ZNF638: variants seen among roughly 807,000 people sequenced by gnomAD.
ZNF638 encodes the protein CTCL tumor antigen se33-1.
In ZNF638, 46 loss-of-function variants were observed where a neutral mutation model predicts 195.6. The observed-to-expected ratio is 0.24, with a 90% CI of 0.19 to 0.30. ZNF638 has a LOEUF of 0.30. Among genes scored for constraint, ZNF638 ranks in the 10% least tolerant of loss-of-function variants. ZNF638 has a pLI of 1.00. For synonymous variants in ZNF638, 845 were observed against 772.0 expected, an observed-to-expected ratio of 1.09 and a Z score of -1.57; for missense variants, 2,440 against 2,325.3, an observed-to-expected ratio of 1.05 and a Z score of -1.01.
In ZNF638 at chr2:71,396,197, T is replaced by G. The variant is rs1235203334; in HGVS notation, c.2428+6T>G. The G allele has an allele frequency of 1.2e-6, 2 of 1,609,070 alleles. No individual in the cohort carries two copies. The highest frequency in any genetic ancestry group is 1.3e-5 in the African/African-American group (1 of 74,720). On this transcript the variant is annotated splice_donor_region_variant and intron_variant, in intron 11 of 27. Coordinates refer to ENST00000264447, the MANE Select transcript of ZNF638 (RefSeq NM_014497.5). The stretch of plus-strand genomic sequence containing the variant: ...CAAAGTAAACAAATCTACAGGTATG[T>G]TTTTTTAATTAGGATTCTAGACTAT...
chr2:71,335,743 T>C (rs1558823764), intron 1 of ZNF638, among the ~76,000 whole-genome samples: 1 of 152,200 alleles, frequency 6.6e-6, no homozygotes, highest in African/African-American at 2.4e-5. Context: ...CTAGAGTGTT[T>C]AGAAGAAAAC....
At position 71,434,893 on chromosome 2, in the gene ZNF638, C is replaced by T. The variant is rs2080735472; in HGVS notation, c.*86C>T. 3.2e-6 allele frequency: 4 copies of T among 1,237,076 alleles called. No individual in the cohort carries two copies. The highest frequency in any genetic ancestry group is 2.4e-5 in the East Asian group (1 of 41,354). 76.6% of individuals were successfully genotyped at this position (1,237,076 alleles called of 1,614,324 possible). A position where few individuals can be genotyped will look rare whatever the true frequency, so the allele number is the denominator to read the frequency against. On this transcript the variant is annotated 3_prime_UTR_variant, in exon 28 of 28. Coordinates refer to ENST00000264447, the MANE Select transcript of ZNF638 (RefSeq NM_014497.5). ...TTGTTATCATTTAATTTGTAATTTT[C>T]GTTTCAGAAGCAAATATTCGTGTTG...
chr2:71,419,210 A>G (rs1573156668), intron 21 of ZNF638, among the ~76,000 whole-genome samples: 1 of 152,258 alleles, frequency 6.6e-6, no homozygotes, highest in South Asian at 2.1e-4. Flanking sequence ...CCCTCTCCTT[A>G]ATAACTTTCT....
chr2:71,367,431 A>ATTTTT (rs3077439), intron 6 of ZNF638, among the ~76,000 whole-genome samples: 1 of 112,712 alleles, frequency 8.9e-6, no homozygotes. Context: ...GGGTGTTTTA[A>ATTTTT]TTTTTTTTTT....
At position 71,402,034 on chromosome 2, in the gene ZNF638, G is replaced by C; in HGVS notation, c.2776G>C (p.Ala926Pro). The part of the protein sequence containing the change: ...GYSVEEVYDL[A>P]KPFGGLKDIL... ...TTCTGTAGAAGAAGTTTATGACTTA[G>C]CAAAACCATTTGGTGGTTTAAAGGA... Residue 926 changes from alanine to proline, a missense_variant, in exon 16 of 28, where the codon GCA (alanine) becomes CCA (proline). Physicochemically the swap from Ala to Pro is conservative, Grantham distance 27. Transcript: ENST00000264447. The C allele has an allele frequency of 6.2e-7, 1 of 1,608,156 alleles. No homozygotes were observed. Among genetic ancestry groups the C allele is most frequent in the Non-Finnish European group, 8.5e-7 (1 of 1,176,816 alleles).
At chr2:71,410,992 C>CTTTTTTT (rs775391313) in intron 20 of ZNF638, among the ~76,000 whole-genome samples, 4 of 24,508 alleles carry the variant, frequency 1.6e-4, no homozygotes, top group Non-Finnish European at 1.5e-4. Context: ...CTCCCCCCCC[C>CTTTTTTT]TTTTTTTTTT....
intron 1 of ZNF638, among the ~76,000 whole-genome samples, chr2:71,340,646 C>G (rs2078747502): frequency 6.6e-6 from 1 of 151,938 alleles, no homozygotes; most frequent in Non-Finnish European, 1.5e-5. Flanking sequence ...TTATAGAATA[C>G]TTTTTTTTCT....
At chr2:71,383,566 T>G (rs139980697) in intron 10 of ZNF638, among the ~76,000 whole-genome samples, 59,975 of 132,596 alleles carry the variant, frequency 0.45, 13,241 homozygotes, top group East Asian at 0.76. Flanking sequence ...GGTGGTTTTT[T>G]TTTTTTTTTT....
At position 71,422,984 on chromosome 2, in the gene ZNF638, A is replaced by T. The variant is rs1276503653; in HGVS notation, c.3470A>T (p.Asp1157Val). ...CEEEAEKATC[D>V]SDFAVETLEL... is the part of the protein sequence containing the mutation. Reference sequence around the variant, plus strand: ...GAAGAAGCTGAAAAAGCAACATGTGATTCTGACTTTGCTGTTGAAACTTTG... The same window carrying T: ...GAAGAAGCTGAAAAAGCAACATGTGTTTCTGACTTTGCTGTTGAAACTTTG... The change falls in exon 22 of 28, where the codon GAT (aspartate) becomes GTT (valine). Residue 1157 changes from aspartate (D) to valine (V), a missense_variant. Physicochemically the swap from Asp to Val is radical, Grantham distance 152. Transcript: ENST00000264447. The T allele has an allele frequency of 6.2e-7, 1 of 1,614,140 alleles. No individual in the cohort carries two copies.
chr2:71,424,842 G>A lies in ZNF638; in HGVS notation c.4590+127G>A, dbSNP rs115191995. On this transcript the variant is annotated intron_variant, in intron 23 of 27. Coordinates refer to ENST00000264447, the MANE Select transcript of ZNF638 (RefSeq NM_014497.5). ...AGTTTAGAGCAAGGGATAGGAATGA[G>A]ATGTTTTGTTTTTAACTTATCTCTA... is the stretch of plus-strand genomic sequence containing the variant. 1,104 of 696,686 alleles carry A rather than the reference G, an allele frequency of 1.6e-3. 6 individuals are homozygous for A. In the African/African-American group the frequency reaches 0.018, roughly 11 times the overall value. The allele number at this position is 696,686 out of a possible 1,614,324, so 43.2% of individuals were successfully genotyped here.
chr2:71,372,913 A>G (rs73941819), intron 8 of ZNF638, among the ~76,000 whole-genome samples: 3,055 of 152,296 alleles, frequency 0.02, 108 homozygotes, highest in African/African-American at 0.069. Flanking sequence ...TGTATTACCA[A>G]TTCCTTACTG....
intron 1 of ZNF638, among the ~76,000 whole-genome samples, chr2:71,346,034 C>T (rs143291932): frequency 4.1e-4 from 63 of 152,272 alleles, no homozygotes; most frequent in African/African-American, 1.3e-3. Flanking sequence ...ATACACAGTA[C>T]ATTTTTGCCT....
intron 21 of ZNF638, among the ~76,000 whole-genome samples, chr2:71,421,101 A>G (rs1033510962): frequency 2.0e-5 from 3 of 152,138 alleles, no homozygotes; most frequent in African/African-American, 7.2e-5. Flanking sequence ...ACTTAGCCCT[A>G]AGTTTCTAAA....
chr2:71,378,278 C>T (rs917192868), intron 8 of ZNF638, among the ~76,000 whole-genome samples: 8 of 152,074 alleles, frequency 5.3e-5, no homozygotes, highest in African/African-American at 1.2e-4. Context: ...ACTTATACAT[C>T]GGAACATAGT....
At chr2:71,367,380 C>A (rs1027906276) in intron 6 of ZNF638, among the ~76,000 whole-genome samples, 1 of 150,668 alleles carries the variant, frequency 6.6e-6, no homozygotes, top group Non-Finnish European at 1.5e-5. Flanking sequence ...GCCTCAGGCT[C>A]CCAGGTAGAA....
At position 71,431,400 on chromosome 2, in the gene ZNF638, C is replaced by A. The variant is rs922369870; in HGVS notation, c.5724C>A (p.Gly1908=). The A allele has an allele frequency of 1.2e-6, 2 of 1,613,784 alleles. No individual in the cohort carries two copies. The highest frequency in any genetic ancestry group is 1.7e-6 in the Non-Finnish European group (2 of 1,179,864). The part of the protein sequence containing the change: ...KRKKTEDSSS[G]KSVASDVPEE... ...AGAAGACTGAAGACTCTTCTTCAGG[C>A]AAATCAGTGGCGTCTGATGTCCCTG... Residue 1908 remains glycine (G), a synonymous_variant, in exon 26 of 28, where the codon GGC becomes GGA. Coordinates refer to ENST00000264447, the MANE Select transcript of ZNF638 (RefSeq NM_014497.5).
chr2:71,334,921 C>CAA (rs890541697), intron 1 of ZNF638, among the ~76,000 whole-genome samples: 16 of 106,712 alleles, frequency 1.5e-4, no homozygotes, highest in South Asian at 6.8e-4. Context: ...ACTCCGTCTC[C>CAA]AAAAAAAAAA....
rs1230865208 is a variant in ZNF638 at position 71,424,026 on chromosome 2, C to T, written c.4512C>T (p.Asp1504=). ...EARPSIMKRD[D]SNNKTLAEQN... is the part of the protein sequence containing the mutation. ...GACCTTCCATCATGAAACGGGATGA[C>T]AGCAACAATAAGGTGAGGAGGGTAG... is the stretch of plus-strand genomic sequence containing the variant. Residue 1504 remains aspartate, a synonymous_variant, in exon 22 of 28, where the codon GAC becomes GAT. Coordinates refer to ENST00000264447, the MANE Select transcript of ZNF638 (RefSeq NM_014497.5). The T allele has an allele frequency of 1.9e-6, 3 of 1,613,358 alleles. No homozygotes were observed.
chr2:71,432,947 C>T (rs1028563854), intron 26 of ZNF638, among the ~76,000 whole-genome samples: 1 of 152,130 alleles, frequency 6.6e-6, no homozygotes, highest in African/African-American at 2.4e-5. Context: ...AGTAGCCAGG[C>T]GCGGTGGCGC....
Sources: allele counts gnomAD v4.1 joint callset (sites outside exome capture counted in the v4.1 genomes callset), GRCh38; gene constraint gnomAD v4.1.1; transcripts MANE v1.5; gene names NCBI Gene and HGNC (gene_info 2026-07-23, HGNC 2026-07-21).